TAMM41: variants seen among roughly 807,000 people sequenced by gnomAD.
The protein encoded by TAMM41 is TAM41 mitochondrial translocator assembly and maintenance homolog.
A neutral mutation model predicts 44.1 loss-of-function variants in TAMM41; 36 were observed. That is an observed-to-expected ratio of 0.82 (90% CI 0.63 to 1.08). The LOEUF is 1.08. Ranked by LOEUF, TAMM41 falls within the 50% of genes least tolerant of loss-of-function variation. The pLI is 0.00. For missense variants in TAMM41, 417 were observed against 404.3 expected (o/e 1.03, Z -0.27); for synonymous variants, 164 against 153.1 (o/e 1.07, Z -0.53).
intron 3 of TAMM41, among the ~76,000 whole-genome samples, chr3:11,835,526 T>C (rs2079140085): frequency 6.6e-6 from 1 of 152,214 alleles, no homozygotes; most frequent in Admixed American, 6.5e-5. Context: ...CTACTACTTG[T>C]CTTGAATTGC....
the TAMM41 span, among the ~76,000 whole-genome samples, chr3:11,752,731 C>T: frequency 6.5e-3 from 907 of 139,436 alleles, 8 homozygotes; most frequent in African/African-American, 0.022. Flanking sequence ...CCTCCAATTG[C>T]TGGGCTCAAG....
In TAMM41 at chr3:11,844,112, A is replaced by T; in HGVS notation, c.235T>A (p.Leu79Ile). 6.2e-7 allele frequency: 1 copy of T among 1,614,222 alleles called. No homozygotes were observed. Among genetic ancestry groups the T allele is most frequent in the African/African-American group, 1.3e-5 (1 of 75,068 alleles). Residue 79 changes from leucine to isoleucine, a missense_variant, in exon 2 of 8, where the codon TTA (leucine) becomes ATA (isoleucine). Coordinates refer to ENST00000455809, the MANE Select transcript of TAMM41 (RefSeq NM_001284401.2). ...NWSHYSFLKV[L>I]GPKIITSIQN... ...ATGGACGTGATAATCTTGGGCCCTA[A>T]AACTTTTAGGAAAGAGTAGTGACTC...
At chr3:11,827,254 T>C (rs2078789051) in intron 4 of TAMM41, among the ~76,000 whole-genome samples, 2 of 152,168 alleles carry the variant, frequency 1.3e-5, no homozygotes, top group Non-Finnish European at 2.9e-5. Context: ...TTCATTTAAA[T>C]GCTGACTTCT....
the TAMM41 span, among the ~76,000 whole-genome samples, chr3:11,725,341 C>T: frequency 0.042 from 2,732 of 65,518 alleles, 48 homozygotes; most frequent in Middle Eastern, 0.06. Context: ...TTTTTCTTCT[C>T]CTCCTCCTCC....
chr3:11,808,221 G>A, intron 6 of TAMM41: 1 of 1,100,128 alleles, frequency 9.1e-7, no homozygotes, highest in Non-Finnish European at 1.1e-6. Context: ...GAGATTTCTG[G>A]TTCTCAATTC....
the TAMM41 span, among the ~76,000 whole-genome samples, chr3:11,743,189 G>A: frequency 3.3e-5 from 5 of 152,242 alleles, no homozygotes; most frequent in Middle Eastern, 3.4e-3. Context: ...TGAAGCCAGT[G>A]AGCTTCGGGG....
intron 4 of TAMM41, among the ~76,000 whole-genome samples, chr3:11,824,869 G>T (rs1439362482): frequency 1.3e-5 from 2 of 152,124 alleles, no homozygotes; most frequent in East Asian, 3.9e-4. Context: ...AAGTGCTATG[G>T]GGAAAACACA....
At chr3:11,804,313 A>G (rs1378511159) in intron 7 of TAMM41, among the ~76,000 whole-genome samples, 1 of 152,200 alleles carries the variant, frequency 6.6e-6, no homozygotes, top group Non-Finnish European at 1.5e-5. Flanking sequence ...ACAGAAGAGT[A>G]TAAAACAGCC....
At chr3:11,814,019 CAT>C (rs1444768631) in intron 5 of TAMM41, among the ~76,000 whole-genome samples, 14 of 147,934 alleles carry the variant, frequency 9.5e-5, no homozygotes, top group African/African-American at 2.6e-4. Flanking sequence ...CACACACACA[CAT>C]AAAAAAATCA....
At chr3:11,780,050 G>A in the TAMM41 span, among the ~76,000 whole-genome samples, 1 of 152,130 alleles carries the variant, frequency 6.6e-6, no homozygotes, top group African/African-American at 2.4e-5. Flanking sequence ...CTCTCAACTA[G>A]ATGACTACAG....
the TAMM41 span, among the ~76,000 whole-genome samples, chr3:11,748,409 G>A: frequency 6.6e-6 from 1 of 151,774 alleles, no homozygotes; most frequent in Non-Finnish European, 1.5e-5. Context: ...CAGCCTCCGA[G>A]TAGCTGGAAC....
chr3:11,796,852 T>C (rs1002238586), intron 7 of TAMM41, among the ~76,000 whole-genome samples: 4 of 150,030 alleles, frequency 2.7e-5, no homozygotes, highest in Non-Finnish European at 5.9e-5. Flanking sequence ...TCACCAGCAT[T>C]CCAATACAAC....
At chr3:11,807,811 C>T (rs1220660003) in intron 7 of TAMM41, 22 bp downstream of exon 7, 9 of 1,536,022 alleles carry the variant, frequency 5.9e-6, no homozygotes, top group East Asian at 2.4e-5. Context: ...GTATGTTACA[C>T]ACGGATTTCC....
chr3:11,749,991 G>C, the TAMM41 span, among the ~76,000 whole-genome samples: 1 of 150,888 alleles, frequency 6.6e-6, no homozygotes, highest in Non-Finnish European at 1.5e-5. Flanking sequence ...TCCACCTCCC[G>C]GTTCATGTTA....
At chr3:11,784,817 T>TGAG in the TAMM41 span, among the ~76,000 whole-genome samples, 2 of 108,068 alleles carry the variant, frequency 1.9e-5, no homozygotes, top group African/African-American at 7.5e-5. Context: ...TTTTTTTTTT[T>TGAG]GAGGAGGAGG....
chr3:11,807,314 G>A, intron 7 of TAMM41: 1 of 1,446,966 alleles, frequency 6.9e-7, no homozygotes, highest in South Asian at 1.5e-5. Context: ...GCGTACATTT[G>A]ATGAGGGTGG....
chr3:11,747,873 A>AT, the TAMM41 span, among the ~76,000 whole-genome samples: 9 of 38,160 alleles, frequency 2.4e-4, no homozygotes, highest in Admixed American at 5.0e-4. Context: ...TTTACTATTT[A>AT]TTTATTTATT....
the TAMM41 span, among the ~76,000 whole-genome samples, chr3:11,769,430 A>T: frequency 6.7e-6 from 1 of 150,200 alleles, no homozygotes; most frequent in African/African-American, 2.5e-5. Context: ...ACTCACAGGC[A>T]GCCAGTTGGA....
chr3:11,742,514 A>G, the TAMM41 span, among the ~76,000 whole-genome samples: 1 of 148,970 alleles, frequency 6.7e-6, no homozygotes, highest in Non-Finnish European at 1.5e-5. Context: ...CACCATTTCC[A>G]CTTGCTGGCT....
Sources: gnomAD v4.1 joint callset for allele counts (sites outside exome capture counted in the v4.1 genomes callset) on GRCh38, gnomAD v4.1.1 for gene constraint, MANE v1.5 for transcripts, NCBI Gene and HGNC (gene_info 2026-07-23, HGNC 2026-07-21) for gene names.